Variants in VWF observed in about 807,000 individuals in gnomAD.
VWF encodes Factor VIII related antigen.
VWF carries 176 observed loss-of-function variants against 308.6 expected under a neutral mutation model. The observed-to-expected ratio is 0.57, with a 90% confidence interval of 0.50 to 0.65. The LOEUF (loss-of-function observed/expected upper bound fraction) is 0.65, where lower values mean the gene tolerates loss of function less well. Ranked by LOEUF, VWF falls within the 30% of genes least tolerant of loss-of-function variation. The probability of loss-of-function intolerance (pLI) is 0.00; values close to 1 mark genes in which losing one functional copy is unlikely to be tolerated. For synonymous variants in VWF, 1,385 were observed against 1,443.4 expected (o/e 0.96, Z 0.92); for missense variants, 3,146 against 3,648.2 (o/e 0.86, Z 3.55).
chr12:6,016,987 A>G (rs935562375), intron 28 of VWF, 117 bp from the exon 29 acceptor site: 2 of 1,102,414 alleles, frequency 1.8e-6, no homozygotes, highest in Non-Finnish European at 2.7e-6. Flanking sequence ...GGCACCACCA[A>G]GGGGGGCGGG....
rs61754000 is a variant in VWF, at chr12:6,073,646, G to A, written c.970C>T (p.Arg324Ter). 1.5e-5 allele frequency: 25 copies of A among 1,613,900 alleles called. No homozygotes were observed. Among genetic ancestry groups the A allele is most frequent in the South Asian group, 3.3e-5 (3 of 91,080 alleles). ...GGGCAGCTGCAGCCATCCACGCATC[G>A]CTCCTGACACATTTCATTGATGTGC... ...SLHINEMCQE[R>*]CVDGCSCPEG... The change falls in exon 8 of 52, where the codon CGA becomes TGA. Residue 324 changes from arginine (R) to a stop codon, truncating the protein, a stop_gained. Transcript: ENST00000261405. LOFTEE classifies it high-confidence loss of function.
Position 5,971,643 on chromosome 12 carries a change from C to T in VWF, c.7504G>A (p.Val2502Met), listed in dbSNP as rs755568210. Residue 2502 changes from valine (V) to methionine (M), a missense_variant, in exon 44 of 52, where the codon GTG (valine) becomes ATG (methionine). Val to Met is a conservative substitution (Grantham distance 21). Around this residue, in one of 3 missense-constraint regions of VWF, gnomAD observed 989 missense variants for 1,117.4 expected, o/e 0.89. Transcript: ENST00000261405. ...GRCLPSACEV[V>M]TGSPRGDSQS... ...GAGTCCCCCCGCGGTGAGCCAGTCACCACCTCACAGGCAGATGGCAGGCAC... is the reference window on the plus strand; with the variant it reads ...GAGTCCCCCCGCGGTGAGCCAGTCATCACCTCACAGGCAGATGGCAGGCAC... 4 of 1,614,218 alleles carry T rather than the reference C, an allele frequency of 2.5e-6. No individual in the cohort carries two copies. The South Asian group carries it at 4.4e-5, about 18-fold the overall frequency.
At chr12:6,103,555 C>CATATATGTAT (rs1945208448) in intron 5 of VWF, among the ~76,000 whole-genome samples, 1 of 108,926 alleles carries the variant, frequency 9.2e-6, no homozygotes, top group African/African-American at 1.1e-4. Context: ...TACACACACA[C>CATATATGTAT]ACACACACAC....
chr12:6,060,795 T>C lies in VWF; in HGVS notation c.1533+2159A>G, dbSNP rs1944646907. ...GGGAGAGACAAAGACCAAAGAAACCTGAGGGGAGGAAGGGCAGCTGCCCAG... is the reference window on the plus strand; with the variant it reads ...GGGAGAGACAAAGACCAAAGAAACCCGAGGGGAGGAAGGGCAGCTGCCCAG... On this transcript the variant is annotated intron_variant, in intron 13 of 51. Coordinates refer to ENST00000261405, the MANE Select transcript of VWF (RefSeq NM_000552.5). This position sits in a 1 kb window ranked among gnomAD's most constrained non-coding sequence, Gnocchi z 5.1. 6.6e-6 allele frequency among the ~76,000 whole-genome samples: 1 copy of C among 151,710 alleles called. No homozygotes were observed.
Position 6,019,282 on chromosome 12 carries a change from C to T in VWF, c.4136G>A (p.Arg1379His), listed in dbSNP as rs773292982. 2.4e-5 allele frequency: 38 copies of T among 1,613,680 alleles called. No homozygotes were observed. Among genetic ancestry groups the T allele is most frequent in the Admixed American group, 3.3e-5 (2 of 59,992 alleles). Residue 1379 changes from arginine to histidine, a missense_variant, in exon 28 of 52, where the codon CGC (arginine) becomes CAC (histidine). By Grantham distance (29) the Arg-to-His change is conservative. This residue lies in a region of VWF where 853 missense variants were observed against 1,177.8 expected (regional missense o/e 0.72). Coordinates refer to ENST00000261405, the MANE Select transcript of VWF (RefSeq NM_000552.5). This position sits in a 1 kb window ranked among gnomAD's most constrained non-coding sequence, Gnocchi z 5.8. The stretch of plus-strand genomic sequence containing the variant: ...GCTGGCCATCAGGAGCAGGGTGATG[C>T]GGGAGGCTTCAGGGCGGTCGATCTT... The part of the protein sequence containing the change: ...FSKIDRPEAS[R>H]ITLLLMASQE...
In VWF at chr12:6,075,360, G is replaced by A. The variant is rs761290578; in HGVS notation, c.849C>T (p.Tyr283=). 1.1e-5 allele frequency: 17 copies of A among 1,614,118 alleles called. No individual in the cohort carries two copies. The highest frequency in any genetic ancestry group is 4.5e-5 in the East Asian group (2 of 44,864). The change falls in exon 7 of 52, where the codon TAC becomes TAT. Residue 283 remains tyrosine, a synonymous_variant. Coordinates refer to ENST00000261405, the MANE Select transcript of VWF (RefSeq NM_000552.5). The surrounding 1 kb of genome is among the most constrained non-coding windows in gnomAD (Gnocchi z 4.7). ...TGCACGCGCTGTGGTCGGTCCAGCCGTACAGCACCATTCCCTCCTGGGCAC... is the reference window on the plus strand; with the variant it reads ...TGCACGCGCTGTGGTCGGTCCAGCCATACAGCACCATTCCCTCCTGGGCAC... ...RTCAQEGMVL[Y]GWTDHSACSP...
chr12:5,984,932 C>G, intron 40 of VWF, 113 bp downstream of exon 40: 1 of 1,177,342 alleles, frequency 8.5e-7, no homozygotes, highest in Non-Finnish European at 1.3e-6. Flanking sequence ...CCTTACCCAC[C>G]TCCTTTCACA....
chr12:6,085,362 G>C (rs1291269473), intron 6 of VWF, among the ~76,000 whole-genome samples: 2 of 152,204 alleles, frequency 1.3e-5, no homozygotes, highest in Non-Finnish European at 2.9e-5. Flanking sequence ...ACTAACCCCA[G>C]ACAGTCTTTC....
chr12:6,108,587 TAAA>T (rs1193581616), intron 5 of VWF, among the ~76,000 whole-genome samples: 2 of 120,288 alleles, frequency 1.7e-5, no homozygotes, highest in Non-Finnish European at 3.6e-5. Flanking sequence ...AGAACACTTG[TAAA>T]AAAAAAAAAA....
intron 34 of VWF, among the ~76,000 whole-genome samples, chr12:6,005,309 A>C (rs766860099): frequency 2.0e-5 from 3 of 152,224 alleles, no homozygotes; most frequent in Non-Finnish European, 4.4e-5. Context: ...AAGCCCATGC[A>C]CATATGAAAA....
Position 6,103,470 on chromosome 12 carries a change from ATG to A in VWF, c.532+6902_532+6903del, listed in dbSNP as rs141379577. Among the ~76,000 whole-genome samples, 42 of 122,858 alleles carry A rather than the reference ATG, an allele frequency of 3.4e-4. 2 individuals are homozygous for A. Among genetic ancestry groups the A allele is most frequent in the Admixed American group, 7.3e-4 (10 of 13,620 alleles). The allele number at this position is 122,858 out of a possible 152,430, so 80.6% of individuals were successfully genotyped here. On this transcript the variant is annotated intron_variant, in intron 5 of 51. Coordinates refer to ENST00000261405, the MANE Select transcript of VWF (RefSeq NM_000552.5). Reference sequence around the variant, plus strand: ...TACACATATATGTGTATATACACATATGTGTGTATATACATATATGTGTATAC... The same window carrying A: ...TACACATATATGTGTATATACACATATGTGTATATACATATATGTGTATAC...
At position 6,059,601 on chromosome 12, in the gene VWF, C is replaced by T. The variant is rs146519286; in HGVS notation, c.1534-1557G>A. ...CATAGATGGTGCCTTCTAGCTGTGT[C>T]CTCACATGGTGGAAGGGGCTAGCAA... On this transcript the variant is annotated intron_variant, in intron 13 of 51. Coordinates refer to ENST00000261405, the MANE Select transcript of VWF (RefSeq NM_000552.5). Among the ~76,000 whole-genome samples the T allele has an allele frequency of 5.1e-3, 770 of 152,146 alleles. 10 individuals are homozygous for T. The highest frequency in any genetic ancestry group is 0.017 in the African/African-American group (713 of 41,542).
intron 6 of VWF, among the ~76,000 whole-genome samples, chr12:6,092,614 TGA>T (rs1555073700): frequency 0.011 from 959 of 86,074 alleles, 66 homozygotes; most frequent in Admixed American, 0.018. Context: ...AGTGAGTGAG[TGA>T]GAGTGTGTGT....
rs1943473866 is a variant in VWF at position 5,971,495 on chromosome 12, G to C, written c.7548+104C>G. 13 of 941,034 alleles carry C rather than the reference G, an allele frequency of 1.4e-5. No homozygotes were observed. The South Asian group carries it at 1.6e-4, about 12-fold the overall frequency. 58.3% of individuals were successfully genotyped at this position (941,034 alleles called of 1,614,324 possible). On this transcript the variant is annotated intron_variant, in intron 44 of 51. Transcript: ENST00000261405. ...CACCAACAGCTGGGTGAAATGCCCA[G>C]TGGGGAAAGCAAAGGGCAGGGAATG...
At chr12:6,068,475 CT>C (rs879314328) in intron 10 of VWF, among the ~76,000 whole-genome samples, 34 of 147,608 alleles carry the variant, frequency 2.3e-4, no homozygotes, top group South Asian at 2.1e-4. Context: ...AGATGCATTT[CT>C]TTTTTTTTTT....
At chr12:6,071,451 G>A (rs1719895143) in intron 9 of VWF, 108 bp from the exon 10 acceptor site, 1 of 1,290,858 alleles carries the variant, frequency 7.7e-7, no homozygotes, top group South Asian at 1.2e-5. Flanking sequence ...GAAGGGATGT[G>A]GGAAAAGAAA....
chr12:6,013,298 C>T (rs1049890892), intron 32 of VWF, among the ~76,000 whole-genome samples, 183 bp downstream of exon 32: 9 of 152,192 alleles, frequency 5.9e-5, no homozygotes, highest in African/African-American at 1.9e-4. Context: ...CCCATGGGGG[C>T]TTGTGGTATA....
At chr12:5,957,279 T>C (rs1219401099) in intron 47 of VWF, among the ~76,000 whole-genome samples, 1 of 152,184 alleles carries the variant, frequency 6.6e-6, no homozygotes, top group Non-Finnish European at 1.5e-5. Context: ...TCTTAGAACA[T>C]ATCCCCATTG....
intron 6 of VWF, among the ~76,000 whole-genome samples, chr12:6,092,672 T>C (rs924921847): frequency 2.6e-4 from 37 of 144,904 alleles, no homozygotes; most frequent in Admixed American, 4.9e-4. Flanking sequence ...TGTGTGTGTG[T>C]GCTGACCAGC....
Sources: allele counts gnomAD v4.1 joint callset (sites outside exome capture counted in the v4.1 genomes callset), GRCh38; gene constraint gnomAD v4.1.1; regional missense constraint gnomAD v4.1.1; non-coding constraint Gnocchi (gnomAD v3.1); transcripts MANE v1.5; gene names NCBI Gene and HGNC (gene_info 2026-07-23, HGNC 2026-07-21).